The following OLFML2B variants were observed in gnomAD, a reference collection of about 807,000 sequenced individuals.
The protein encoded by OLFML2B is olfactomedin-like protein 2B.
In OLFML2B, 57 loss-of-function variants were observed where a neutral mutation model predicts 74.9. That is an observed-to-expected ratio of 0.76 (90% CI 0.61 to 0.95). The LOEUF is 0.95. OLFML2B is among the 40% of genes least tolerant of loss of function. The pLI, the probability that OLFML2B is intolerant of heterozygous loss-of-function variation, is 0.00. For synonymous variants in OLFML2B, 388 were observed against 405.8 expected (o/e 0.96, Z 0.53); for missense variants, 986 against 970.6 (o/e 1.02, Z -0.21).
chr1:161,992,349 T>A (rs1464623209), intron 6 of OLFML2B, among the ~76,000 whole-genome samples: 1 of 152,264 alleles, frequency 6.6e-6, no homozygotes, highest in African/African-American at 2.4e-5. Context: ...GGACTGTCTT[T>A]TTATCCAGAC....
In OLFML2B at chr1:162,023,560, T is replaced by C. The variant is rs1467789497; in HGVS notation, c.-130A>G. 1.1e-5 allele frequency: 10 copies of C among 903,868 alleles called. No homozygotes were observed. Among genetic ancestry groups the C allele is most frequent in the South Asian group, 2.6e-5 (1 of 38,944 alleles). The allele number at this position is 903,868 out of a possible 1,614,324, so 56.0% of individuals were successfully genotyped here. A position where few individuals can be genotyped will look rare whatever the true frequency, so the allele number is the denominator to read the frequency against. On this transcript the variant is annotated 5_prime_UTR_variant, in exon 1 of 8. Transcript: ENST00000294794. Reference sequence around the variant, plus strand: ...GGCTGCTGAGAGCACCTTCTAAAGCTGGGTGCGGCTGAGCGGGACGGGAGG... The same window carrying C: ...GGCTGCTGAGAGCACCTTCTAAAGCCGGGTGCGGCTGAGCGGGACGGGAGG...
chr1:162,023,553 CTAAA>C lies in OLFML2B; in HGVS notation c.-127_-124del. ...CGAAAGTGGCTGCTGAGAGCACCTT[CTAAA>C]GCTGGGTGCGGCTGAGCGGGACGGG... is the stretch of plus-strand genomic sequence containing the variant. On this transcript the variant is annotated 5_prime_UTR_variant, in exon 1 of 8. It removes the in-frame stop codon of an upstream open reading frame in the 5' UTR. Transcript: ENST00000294794. 1 of 1,007,250 alleles carries C rather than the reference CTAAA, an allele frequency of 9.9e-7. No homozygotes were observed. The highest frequency in any genetic ancestry group is 1.4e-6 in the Non-Finnish European group (1 of 738,548). The allele number at this position is 1,007,250 out of a possible 1,614,324, so 62.4% of individuals were successfully genotyped here. A position where few individuals can be genotyped will look rare whatever the true frequency, so the allele number is the denominator to read the frequency against.
intron 3 of OLFML2B, among the ~76,000 whole-genome samples, chr1:162,015,101 C>T (rs1373358816): frequency 6.6e-6 from 1 of 152,146 alleles, no homozygotes; most frequent in African/African-American, 2.4e-5. Context: ...GAATGCTTTA[C>T]AAAACGTAAT....
intron 4 of OLFML2B, among the ~76,000 whole-genome samples, chr1:162,005,326 C>T (rs1307340457): frequency 1.3e-5 from 2 of 152,176 alleles, no homozygotes; most frequent in Admixed American, 1.3e-4. Context: ...AGGGACACAA[C>T]TGGGTAGGAA....
intron 5 of OLFML2B, among the ~76,000 whole-genome samples, chr1:161,999,703 T>C (rs1253950990): frequency 6.6e-6 from 1 of 151,716 alleles, no homozygotes; most frequent in East Asian, 1.9e-4. Context: ...AGGACAGAGA[T>C]CAAAGGGGAG....
At chr1:162,001,423 C>T (rs1690076184) in intron 4 of OLFML2B, among the ~76,000 whole-genome samples, 1 of 152,174 alleles carries the variant, frequency 6.6e-6, no homozygotes. Flanking sequence ...TTGCTCTCTT[C>T]CTCATTTCTC....
Position 162,020,759 on chromosome 1 carries a change from C to T in OLFML2B, c.175-577G>A, listed in dbSNP as rs142760692. 5.6e-3 allele frequency among the ~76,000 whole-genome samples: 860 copies of T among 152,320 alleles called. 7 individuals carry two copies. Among genetic ancestry groups the T allele is most frequent in the Middle Eastern group, 0.02 (6 of 294 alleles). On this transcript the variant is annotated intron_variant, in intron 1 of 7. Coordinates refer to ENST00000294794, the MANE Select transcript of OLFML2B (RefSeq NM_015441.3). ...TGAACTCCTGACCCTAAGTGATCCA[C>T]CTGCCCCGGCCTCCCAAAGTGCTGG... is the stretch of plus-strand genomic sequence containing the variant.
intron 3 of OLFML2B, among the ~76,000 whole-genome samples, chr1:162,014,010 C>T (rs140119244): frequency 1.1e-4 from 17 of 151,174 alleles, no homozygotes; most frequent in Non-Finnish European, 1.9e-4. Context: ...CGTCCTTAAA[C>T]GATGAAACTA....
chr1:162,007,435 C>T (rs1375476072), intron 3 of OLFML2B, among the ~76,000 whole-genome samples: 1 of 152,146 alleles, frequency 6.6e-6, no homozygotes, highest in African/African-American at 2.4e-5. Context: ...GCCCCTTTTC[C>T]TCTAGTTATT....
chr1:162,002,513 C>T (rs186673736), intron 4 of OLFML2B, among the ~76,000 whole-genome samples: 87 of 152,330 alleles, frequency 5.7e-4, no homozygotes, highest in African/African-American at 2.0e-3. Flanking sequence ...GCTCCTTTCG[C>T]ACAGGAAGAA....
Position 162,006,781 on chromosome 1 carries a change from T to C in OLFML2B, c.547-308A>G, listed in dbSNP as rs957455824. On this transcript the variant is annotated intron_variant, in intron 3 of 7. Coordinates refer to ENST00000294794, the MANE Select transcript of OLFML2B (RefSeq NM_015441.3). ...CCACCAGGACACCAGGTTCTTTTTC[T>C]GTCCTTTGTATATAGTCCACTCTTA... Among the ~76,000 whole-genome samples, 2 of 152,232 alleles carry C rather than the reference T, an allele frequency of 1.3e-5. 1 individual carries two copies. The highest frequency in any genetic ancestry group is 4.8e-5 in the African/African-American group (2 of 41,462).
At chr1:162,000,788 C>G (rs1316891001) in intron 4 of OLFML2B, among the ~76,000 whole-genome samples, 1 of 152,120 alleles carries the variant, frequency 6.6e-6, no homozygotes, top group Non-Finnish European at 1.5e-5. Flanking sequence ...GGAAGGATGC[C>G]TGGGCTGGGA....
In OLFML2B at chr1:162,016,045, C is replaced by T. The variant is rs12063381; in HGVS notation, c.546+1355G>A. Reference sequence around the variant, plus strand: ...AGCCCAAGGGCGGGTGGAAAAGGAACTAGTGTTCACTTTCCGGGAAAATTT... The same window carrying T: ...AGCCCAAGGGCGGGTGGAAAAGGAATTAGTGTTCACTTTCCGGGAAAATTT... On this transcript the variant is annotated intron_variant, in intron 3 of 7. Coordinates refer to ENST00000294794, the MANE Select transcript of OLFML2B (RefSeq NM_015441.3). Among the ~76,000 whole-genome samples, 1,126 of 152,332 alleles carry T rather than the reference C, an allele frequency of 7.4e-3. 15 individuals are homozygous for T. The highest frequency in any genetic ancestry group is 0.025 in the African/African-American group (1,058 of 41,574).
intron 6 of OLFML2B, among the ~76,000 whole-genome samples, chr1:161,990,902 G>C (rs1024146286): frequency 6.6e-6 from 1 of 152,150 alleles, no homozygotes; most frequent in Admixed American, 6.5e-5. Flanking sequence ...TGATCACACT[G>C]TCTTCACCAG....
chr1:161,994,706 T>C (rs904488346), intron 6 of OLFML2B, among the ~76,000 whole-genome samples: 5 of 152,142 alleles, frequency 3.3e-5, no homozygotes, highest in African/African-American at 1.2e-4. Context: ...ACAATATTTT[T>C]CCTCTCCCTG....
Position 162,023,558 on chromosome 1 carries a change from G to C in OLFML2B, c.-128C>G. 1.1e-6 allele frequency: 1 copy of C among 904,306 alleles called. No individual in the cohort carries two copies. The highest frequency in any genetic ancestry group is 1.5e-6 in the Non-Finnish European group (1 of 648,232). The allele number at this position is 904,306 out of a possible 1,614,324, so 56.0% of individuals were successfully genotyped here. On this transcript the variant is annotated 5_prime_UTR_variant, in exon 1 of 8. Transcript: ENST00000294794. Reference sequence around the variant, plus strand: ...GTGGCTGCTGAGAGCACCTTCTAAAGCTGGGTGCGGCTGAGCGGGACGGGA... The same window carrying C: ...GTGGCTGCTGAGAGCACCTTCTAAACCTGGGTGCGGCTGAGCGGGACGGGA...
chr1:161,998,047 C>T lies in OLFML2B; in HGVS notation c.1252G>A (p.Ala418Thr), dbSNP rs767755142. Residue 418 changes from alanine to threonine, a missense_variant, in exon 6 of 8, where the codon GCC becomes ACC. Coordinates refer to ENST00000294794, the MANE Select transcript of OLFML2B (RefSeq NM_015441.3). ...GTGGCTGTGTGGGCCACAGTGGTGG[C>T]TGGTACCTGAGGAGAAGGCTGCAGG... ...SVLQPSPQVP[A>T]TTVAHTATQQ... is the part of the protein sequence containing the mutation. 3.7e-6 allele frequency: 6 copies of T among 1,614,024 alleles called. No homozygotes were observed. In the East Asian group the frequency reaches 1.3e-4, roughly 36 times the overall value.
chr1:162,020,270 G>C lies in OLFML2B; in HGVS notation c.175-88C>G. Reference sequence around the variant, plus strand: ...AGGCTCTCCATTTACTTAGTCAAATGTCCTGCACTAGTCAGAGACCTCAGA... The same window carrying C: ...AGGCTCTCCATTTACTTAGTCAAATCTCCTGCACTAGTCAGAGACCTCAGA... On this transcript the variant is annotated intron_variant, in intron 1 of 7. Coordinates refer to ENST00000294794, the MANE Select transcript of OLFML2B (RefSeq NM_015441.3). 2.0e-6 allele frequency: 3 copies of C among 1,480,406 alleles called. No individual in the cohort carries two copies. The South Asian group carries it at 3.8e-5, about 19-fold the overall frequency. 91.7% of individuals were successfully genotyped at this position (1,480,406 alleles called of 1,614,324 possible).
In OLFML2B at chr1:161,983,689, T is replaced by G; in HGVS notation, c.2239A>C (p.Ile747Leu). 1 of 1,608,236 alleles carries G rather than the reference T, an allele frequency of 6.2e-7. No individual in the cohort carries two copies. Among genetic ancestry groups the G allele is most frequent in the Admixed American group, 1.7e-5 (1 of 59,906 alleles). The change falls in exon 8 of 8, where the codon ATC becomes CTC. Residue 747 changes from isoleucine (I) to leucine (L), a missense_variant. Ile to Leu is a conservative substitution (Grantham distance 5). Coordinates refer to ENST00000294794, the MANE Select transcript of OLFML2B (RefSeq NM_015441.3). ...DNGHQVTYHV[I>L]FAY ...GGACAAGGGTGTCAGTAGGCAAAGATGACATGGTAAGTGACCTGGTGGCCA... is the reference window on the plus strand; with the variant it reads ...GGACAAGGGTGTCAGTAGGCAAAGAGGACATGGTAAGTGACCTGGTGGCCA...
Sources: allele counts gnomAD v4.1 joint callset (sites outside exome capture counted in the v4.1 genomes callset), GRCh38; gene constraint gnomAD v4.1.1; transcripts MANE v1.5; gene names NCBI Gene and HGNC (gene_info 2026-07-23, HGNC 2026-07-21).